Variants in C2orf78 observed in about 807,000 individuals in gnomAD.
The protein encoded by C2orf78 is uncharacterized protein C2orf78.
Under a neutral mutation model 21.4 loss-of-function variants are expected in C2orf78, and 12 were observed. The ratio of observed to expected loss-of-function variants is 0.56; its 90% CI spans 0.36 to 0.91. The LOEUF (loss-of-function observed/expected upper bound fraction) is 0.91. Ranked by LOEUF, C2orf78 falls within the 40% of genes least tolerant of loss-of-function variation. The pLI, the probability that C2orf78 is intolerant of heterozygous loss-of-function variation, is 0.01. For missense variants in C2orf78, 1,042 were observed against 1,092.4 expected (o/e 0.95, Z 0.65); for synonymous variants, 396 against 413.9 (o/e 0.96, Z 0.52).
At chr2:73,810,536 AATAT>A (rs35269780) in intron 1 of C2orf78, among the ~76,000 whole-genome samples, 14 of 135,488 alleles carry the variant, frequency 1.0e-4, no homozygotes, top group African/African-American at 2.5e-4. Context: ...TCAAAAAGAA[AATAT>A]ATATATATAT....
intron 1 of C2orf78, among the ~76,000 whole-genome samples, chr2:73,808,402 C>T (rs1673003666): frequency 6.6e-6 from 1 of 151,036 alleles, no homozygotes; most frequent in Non-Finnish European, 1.5e-5. Flanking sequence ...ATTATAAATG[C>T]ATAGTATTAT....
intron 1 of C2orf78, among the ~76,000 whole-genome samples, chr2:73,786,297 T>A (rs917042613): frequency 1.3e-5 from 2 of 151,466 alleles, no homozygotes; most frequent in Non-Finnish European, 2.9e-5. Flanking sequence ...CAGAATTGCT[T>A]GAACCAGGGA....
intron 1 of C2orf78, chr2:73,808,689 A>G: frequency 6.7e-7 from 1 of 1,494,098 alleles, no homozygotes; most frequent in Non-Finnish European, 8.9e-7. Context: ...TTCTCCCACC[A>G]AACCAACTGC....
chr2:73,807,770 A>C (rs1672984594), intron 1 of C2orf78, among the ~76,000 whole-genome samples: 1 of 137,236 alleles, frequency 7.3e-6, no homozygotes, highest in South Asian at 2.5e-4. Context: ...CCTAAAATCA[A>C]GGGGTTAAAA....
intron 1 of C2orf78, among the ~76,000 whole-genome samples, chr2:73,808,364 C>T (rs1673003060): frequency 6.6e-6 from 1 of 151,014 alleles, no homozygotes; most frequent in South Asian, 2.1e-4. Context: ...TTCCTTTCTC[C>T]CCAAGGATAT....
intron 1 of C2orf78, among the ~76,000 whole-genome samples, chr2:73,811,163 C>T (rs867523968): frequency 1.3e-4 from 19 of 151,262 alleles, no homozygotes; most frequent in South Asian, 8.4e-4. Flanking sequence ...TGGTGACAGG[C>T]GCCTGTAAAC....
chr2:73,784,446 T>C, intron 1 of C2orf78, 40 bp downstream of exon 1: 1 of 633,344 alleles, frequency 1.6e-6, no homozygotes, highest in Non-Finnish European at 2.7e-6. Flanking sequence ...TCATGAGATT[T>C]CTTTGCCACT....
At chr2:73,786,369 A>C (rs531164384) in intron 1 of C2orf78, among the ~76,000 whole-genome samples, 2 of 148,994 alleles carry the variant, frequency 1.3e-5, no homozygotes, top group Admixed American at 6.7e-5. Context: ...ACAGAGCGAG[A>C]CTCCATCTAA....
intron 1 of C2orf78, among the ~76,000 whole-genome samples, chr2:73,810,805 A>G (rs1673072170): frequency 1.3e-5 from 1 of 75,762 alleles, no homozygotes; most frequent in South Asian, 4.4e-4. Context: ...TATATATAAT[A>G]TACATGTATA....
chr2:73,785,982 G>A (rs1672919967), intron 1 of C2orf78, among the ~76,000 whole-genome samples: 1 of 151,898 alleles, frequency 6.6e-6, no homozygotes, highest in African/African-American at 2.4e-5. Flanking sequence ...AGAGGCAAAG[G>A]TTGTGGTGAG....
intron 1 of C2orf78, among the ~76,000 whole-genome samples, chr2:73,810,626 A>AAT (rs149972218): frequency 5.1e-5 from 7 of 136,788 alleles, no homozygotes; most frequent in South Asian, 4.3e-4. Context: ...ATATATACAT[A>AAT]ATATATATAT....
intron 1 of C2orf78, among the ~76,000 whole-genome samples, chr2:73,807,855 A>T (rs1672986406): frequency 6.7e-6 from 1 of 149,454 alleles, no homozygotes; most frequent in Non-Finnish European, 1.5e-5. Flanking sequence ...AGAAGAAACT[A>T]AAAGAGAAGA....
At chr2:73,816,833 C>T (rs766535033) in exon 3 of C2orf78, 3 of 1,614,006 alleles carry the variant, frequency 1.9e-6, no homozygotes, top group East Asian at 4.5e-5. Flanking sequence ...TGTCAACGCC[C>T]ATCACAGAAG....
chr2:73,810,817 T>TATATATAATATACATGTATAATA (rs56310843), intron 1 of C2orf78, among the ~76,000 whole-genome samples: 1 of 129,464 alleles, frequency 7.7e-6, no homozygotes, highest in Non-Finnish European at 1.6e-5. Flanking sequence ...ACATGTATAA[T>TATATATAATATACATGTATAATA]TAATATACAT....
rs554194550 is a variant in C2orf78, at chr2:73,785,981, G to A, written c.97+1575G>A. Among the ~76,000 whole-genome samples the A allele has an allele frequency of 1.8e-4, 28 of 152,064 alleles. 1 individual carries two copies. The highest frequency in any genetic ancestry group is 6.0e-4 in the African/African-American group (25 of 41,458). ...CAATCACTTGAACCCGAGAGGCAAA[G>A]GTTGTGGTGAGCCAAGATCGCGCCA... On this transcript the variant is annotated intron_variant, in intron 1 of 2. Coordinates refer to ENST00000409561, the Ensembl canonical transcript of C2orf78.
intron 1 of C2orf78, among the ~76,000 whole-genome samples, chr2:73,809,304 T>C (rs1458898571): frequency 1.4e-4 from 22 of 152,308 alleles, no homozygotes; most frequent in Middle Eastern, 3.4e-3. Context: ...TGTGTAATAG[T>C]CTCCCTCCAC....
At chr2:73,813,815 A>G in exon 2 of C2orf78, 1 of 1,614,054 alleles carries the variant, frequency 6.2e-7, no homozygotes, top group South Asian at 1.1e-5. Flanking sequence ...CAGGGACTTC[A>G]CTGTGACTGT....
At chr2:73,817,104 G>T in exon 3 of C2orf78, 5 of 1,223,554 alleles carry the variant, frequency 4.1e-6, no homozygotes, top group Admixed American at 3.1e-5. Context: ...AAATGTAATA[G>T]AATTGATTAA....
At position 73,807,718 on chromosome 2, in the gene C2orf78, G is replaced by A. The variant is rs571900596; in HGVS notation, c.98-5759G>A. Among the ~76,000 whole-genome samples, 551 of 120,828 alleles carry A rather than the reference G, an allele frequency of 4.6e-3. 6 individuals carry two copies. The highest frequency in any genetic ancestry group is 4.5e-3 in the Non-Finnish European group (271 of 59,842). 79.3% of individuals were successfully genotyped at this position (120,828 alleles called of 152,430 possible). A position where few individuals can be genotyped will look rare whatever the true frequency, so the allele number is the denominator to read the frequency against. ...GAAGTTGACAAGAAGGAATATCCAC[G>A]AATGTAAAAATGCAAGATCAAGGCT... On this transcript the variant is annotated intron_variant, in intron 1 of 2. Coordinates refer to ENST00000409561, the Ensembl canonical transcript of C2orf78.
Sources: allele counts gnomAD v4.1 joint callset (sites outside exome capture counted in the v4.1 genomes callset), GRCh38; gene constraint gnomAD v4.1.1; transcripts MANE v1.5; gene names NCBI Gene and HGNC (gene_info 2026-07-23, HGNC 2026-07-21).